Variants in ZFR observed in about 807,000 individuals in gnomAD.
The protein encoded by ZFR is zinc finger RNA-binding protein.
Under a neutral mutation model 130.7 loss-of-function variants are expected in ZFR, and 19 were observed. That is an observed-to-expected ratio of 0.15 (90% CI 0.10 to 0.21). ZFR has a LOEUF of 0.21. ZFR is among the 10% of genes least tolerant of loss of function. The pLI is 1.00. For missense variants in ZFR, 872 were observed against 1,321.5 expected, an observed-to-expected ratio of 0.66 and a Z score of 5.27; for synonymous variants, 466 against 456.9, an observed-to-expected ratio of 1.02 and a Z score of -0.25.
At chr5:32,387,846 CTA>C in intron 13 of ZFR, 147 bp from the exon 14 acceptor site, 1 of 719,460 alleles carries the variant, frequency 1.4e-6, no homozygotes. Flanking sequence ...ATTTTTAGAA[CTA>C]TACTTCATTT....
At chr5:32,426,779 T>G (rs1754081388) in intron 2 of ZFR, among the ~76,000 whole-genome samples, 7 of 152,098 alleles carry the variant, frequency 4.6e-5, no homozygotes, top group Admixed American at 3.9e-4. Context: ...GGCATGTGCC[T>G]GTAGCCCCAG....
intron 2 of ZFR, 137 bp downstream of exon 2, chr5:32,444,091 GC>G: frequency 1.3e-6 from 1 of 774,400 alleles, no homozygotes; most frequent in Non-Finnish European, 1.7e-6. Context: ...GGGAGAGGCC[GC>G]CGGGCTGGGC....
chr5:32,355,937 A>C lies in ZFR; in HGVS notation c.3048T>G (p.Phe1016Leu). ...GGCGGAATGCAAGGAGTCTCAATGC[A>C]AACTGCAACAAAGAGAGTCAGAATT... is the stretch of plus-strand genomic sequence containing the variant. The part of the protein sequence containing the change: ...QREDITSSAQ[F>L]ALRLLAFRQI... The change falls in exon 20 of 20, where the codon TTT (phenylalanine) becomes TTG (leucine). Residue 1016 changes from phenylalanine (F) to leucine (L), a missense_variant and splice_region_variant. Coordinates refer to ENST00000265069, the MANE Select transcript of ZFR (RefSeq NM_016107.5). 5.7e-6 allele frequency: 9 copies of C among 1,584,978 alleles called. No homozygotes were observed. The highest frequency in any genetic ancestry group is 1.2e-5 in the South Asian group (1 of 85,514).
intron 19 of ZFR, among the ~76,000 whole-genome samples, chr5:32,357,787 T>G (rs1346749706): frequency 1.3e-5 from 2 of 152,226 alleles, no homozygotes; most frequent in African/African-American, 2.4e-5. Flanking sequence ...CTTGTATGTA[T>G]GTATAGCTTA....
intron 2 of ZFR, among the ~76,000 whole-genome samples, chr5:32,423,068 C>G (rs1442688154): frequency 6.6e-6 from 1 of 152,030 alleles, no homozygotes; most frequent in African/African-American, 2.4e-5. Flanking sequence ...AACAGTCAAG[C>G]TGGGCACGGA....
intron 4 of ZFR, among the ~76,000 whole-genome samples, chr5:32,416,215 C>G (rs1440056035): frequency 6.6e-6 from 1 of 152,204 alleles, no homozygotes; most frequent in Admixed American, 6.5e-5. Flanking sequence ...CAGAGTTAGA[C>G]TAAATCAAGA....
intron 8 of ZFR, 29 bp from the exon 9 acceptor site, chr5:32,400,232 AT>A (rs1332237938): frequency 2.7e-6 from 4 of 1,502,450 alleles, no homozygotes; most frequent in African/African-American, 2.9e-5. Flanking sequence ...GTTAAAAAAA[AT>A]TTTATTTTTG....
chr5:32,440,832 G>A (rs572193194), intron 2 of ZFR, among the ~76,000 whole-genome samples: 58 of 152,170 alleles, frequency 3.8e-4, no homozygotes, highest in African/African-American at 1.3e-3. Flanking sequence ...CATTATTACA[G>A]GTCTTTACAT....
At chr5:32,394,531 G>C (rs892758658) in intron 11 of ZFR, 1 of 161,236 alleles carries the variant, frequency 6.2e-6, no homozygotes, top group African/African-American at 2.4e-5. Context: ...AGAAAGGTTA[G>C]AGGTTGTCCA....
chr5:32,428,462 T>A (rs1754124907), intron 2 of ZFR, among the ~76,000 whole-genome samples: 1 of 152,142 alleles, frequency 6.6e-6, no homozygotes, highest in Non-Finnish European at 1.5e-5. Context: ...TAGTCCCAGC[T>A]ACTCAAGAGG....
Position 32,406,887 on chromosome 5 carries a change from T to C in ZFR, c.919A>G (p.Thr307Ala). The change falls in exon 6 of 20, where the codon ACC becomes GCC. Residue 307 changes from threonine (T) to alanine (A), a missense_variant. Around this residue, in one of 7 missense-constraint regions of ZFR, gnomAD observed 240 missense variants for 441.2 expected, o/e 0.54. Coordinates refer to ENST00000265069, the MANE Select transcript of ZFR (RefSeq NM_016107.5). Reference sequence around the variant, plus strand: ...TGGAATGGTGCTTTTTTAGTAAAGGTGGTCCCTGTCCAGGCAGCTGTTGCA... The same window carrying C: ...TGGAATGGTGCTTTTTTAGTAAAGGCGGTCCCTGTCCAGGCAGCTGTTGCA... ...AAATAAWTGTTFTKKAPFQNK... is the reference protein window; with the variant it reads ...AAATAAWTGTAFTKKAPFQNK... 2 of 1,614,002 alleles carry C rather than the reference T, an allele frequency of 1.2e-6. No homozygotes were observed. The highest frequency in any genetic ancestry group is 2.2e-5 in the East Asian group (1 of 44,860).
In ZFR at chr5:32,411,708, G is replaced by GAA. The variant is rs1753714806; in HGVS notation, c.784+3260_784+3261insTT. 7.9e-5 allele frequency among the ~76,000 whole-genome samples: 4 copies of GAA among 50,844 alleles called. 1 individual carries two copies. The highest frequency in any genetic ancestry group is 2.0e-4 in the Admixed American group (1 of 4,920). The allele number at this position is 50,844 out of a possible 152,430, so 33.4% of individuals were successfully genotyped here. On this transcript the variant is annotated intron_variant, in intron 5 of 19. Coordinates refer to ENST00000265069, the MANE Select transcript of ZFR (RefSeq NM_016107.5). The stretch of plus-strand genomic sequence containing the variant: ...TGTCTCAAAAAAAAAAAAAAAAATT[G>GAA]AGGGGGGGCGGGGAATAGAAAATAT...
intron 4 of ZFR, 146 bp from the exon 5 acceptor site, chr5:32,415,333 A>T (rs1753795727): frequency 1.6e-6 from 1 of 640,282 alleles, no homozygotes. Flanking sequence ...CAAAAGGCAT[A>T]AAACTCTTAT....
chr5:32,369,662 T>G (rs571336871), intron 17 of ZFR, among the ~76,000 whole-genome samples: 4 of 148,874 alleles, frequency 2.7e-5, no homozygotes, highest in Non-Finnish European at 6.0e-5. Context: ...AAAAAAAAAA[T>G]GTAACCAGGC....
At position 32,354,756 on chromosome 5, in the gene ZFR, C is replaced by G. The variant is rs1401207443; in HGVS notation, c.*1004G>C. 1 of 152,572 alleles carries G rather than the reference C, an allele frequency of 6.6e-6. No individual in the cohort carries two copies. The highest frequency in any genetic ancestry group is 3.2e-3 in the Middle Eastern group (1 of 316). 9.5% of individuals were successfully genotyped at this position (152,572 alleles called of 1,614,324 possible). A position where few individuals can be genotyped will look rare whatever the true frequency, so the allele number is the denominator to read the frequency against. ...ACTGTAATAGTTGCTAGAGTAATCT[C>G]ACACACACCAATAAGGAACTGTCAC... On this transcript the variant is annotated 3_prime_UTR_variant, in exon 20 of 20. Coordinates refer to ENST00000265069, the MANE Select transcript of ZFR (RefSeq NM_016107.5).
chr5:32,372,816 C>T (rs1305830304), intron 17 of ZFR, among the ~76,000 whole-genome samples: 1 of 151,780 alleles, frequency 6.6e-6, no homozygotes, highest in African/African-American at 2.4e-5. Context: ...GTCTGGGCGA[C>T]ACAGCAAGAC....
chr5:32,438,339 C>A (rs140707384), intron 2 of ZFR, among the ~76,000 whole-genome samples: 93 of 143,468 alleles, frequency 6.5e-4, no homozygotes, highest in African/African-American at 2.3e-3. Flanking sequence ...TCTTGGCTCA[C>A]CGCAACCTCC....
At position 32,444,602 on chromosome 5, in the gene ZFR, G is replaced by T. The variant is rs1344304194; in HGVS notation, c.37+20C>A. ...AGGGAGGGGGCCGGGCAGAGGCCTC[G>T]CGGGCCACATTAGACTCACCATAGG... On this transcript the variant is annotated intron_variant, in intron 1 of 19. Coordinates refer to ENST00000265069, the MANE Select transcript of ZFR (RefSeq NM_016107.5). 2 of 1,480,784 alleles carry T rather than the reference G, an allele frequency of 1.4e-6. No individual in the cohort carries two copies. Among genetic ancestry groups the T allele is most frequent in the Admixed American group, 5.3e-5 (2 of 37,658 alleles). 91.7% of individuals were successfully genotyped at this position (1,480,784 alleles called of 1,614,324 possible).
In ZFR at chr5:32,429,169, G is replaced by A. The variant is rs941543232; in HGVS notation, c.138-9066C>T. On this transcript the variant is annotated intron_variant, in intron 2 of 19. Transcript: ENST00000265069. Reference sequence around the variant, plus strand: ...CCCGGCTAATTTTTTTGTGTTTTTAGTAGAGACGGGGTTTCACCGTGTTAG... The same window carrying A: ...CCCGGCTAATTTTTTTGTGTTTTTAATAGAGACGGGGTTTCACCGTGTTAG... Among the ~76,000 whole-genome samples the A allele has an allele frequency of 2.6e-5, 4 of 151,858 alleles. No homozygotes were observed. In the East Asian group the frequency reaches 5.8e-4, roughly 22 times the overall value.
Sources: gnomAD v4.1 joint callset for allele counts (sites outside exome capture counted in the v4.1 genomes callset) on GRCh38, gnomAD v4.1.1 for gene constraint, gnomAD v4.1.1 regional missense constraint, MANE v1.5 for transcripts, NCBI Gene and HGNC (gene_info 2026-07-23, HGNC 2026-07-21) for gene names.